MPG: variants seen among roughly 807,000 people sequenced by gnomAD.
MPG encodes DNA-3-methyladenine glycosylase.
A neutral mutation model predicts 31.7 loss-of-function variants in MPG; 33 were observed. The observed-to-expected ratio is 1.04, with a 90% CI of 0.79 to 1.39. The LOEUF is 1.39. Ranked by LOEUF, MPG falls within the 40% of genes most tolerant of loss-of-function variation. MPG has a pLI of 0.00. For synonymous variants in MPG, 202 were observed against 169.2 expected, an observed-to-expected ratio of 1.19 and a Z score of -1.51; for missense variants, 455 against 415.5, an observed-to-expected ratio of 1.10 and a Z score of -0.83.
intron 2 of MPG, among the ~76,000 whole-genome samples, chr16:82,236 C>G (rs2541624): frequency 0.5 from 13,025 of 26,294 alleles, 5,730 homozygotes; most frequent in Non-Finnish European, 0.85. Flanking sequence ...CTCCGGGAAG[C>G]CCTCCTGAAT....
Position 79,545 on chromosome 16 carries a change from G to C in MPG, c.145G>C (p.Ala49Pro). The C allele has an allele frequency of 6.2e-7, 1 of 1,612,962 alleles. No homozygotes were observed. The highest frequency in any genetic ancestry group is 8.5e-7 in the Non-Finnish European group (1 of 1,179,968). Residue 49 changes from alanine to proline, a missense_variant, in exon 2 of 4, where the codon GCA (alanine) becomes CCA (proline). Ala to Pro is a conservative substitution (Grantham distance 27). Transcript: ENST00000356432. ...ACACAGCTCGTCCGATGCAGCCCAG[G>C]CACCTTGCCCCAGGGAGCGCTGCTT... ...QPHSSSDAAQ[A>P]PCPRERCLGP...
At chr16:82,493 GC>G (rs1898277586) in intron 2 of MPG, among the ~76,000 whole-genome samples, 1 of 151,980 alleles carries the variant, frequency 6.6e-6, no homozygotes, top group South Asian at 2.1e-4. Flanking sequence ...CCAGGCTGGG[GC>G]ACCGTGGGGC....
chr16:84,158 A>T (rs954850075), intron 3 of MPG: 2 of 152,134 alleles, frequency 1.3e-5, no homozygotes, highest in African/African-American at 4.8e-5. Flanking sequence ...ACCCACAGGG[A>T]TGTAGAGGGT....
At chr16:79,336 T>C in intron 1 of MPG, 89 bp from the exon 2 acceptor site, 1 of 1,613,194 alleles carries the variant, frequency 6.2e-7, no homozygotes, top group Non-Finnish European at 8.5e-7. Flanking sequence ...AAGCAGGTGG[T>C]CAGATCCAGT....
At chr16:84,115 G>T (rs1010547321) in intron 3 of MPG, among the ~76,000 whole-genome samples, 2 of 152,164 alleles carry the variant, frequency 1.3e-5, no homozygotes, top group African/African-American at 4.8e-5. Context: ...CTCTGTGGGG[G>T]CTCAGTGAGA....
chr16:79,881 G>A, intron 2 of MPG, 181 bp downstream of exon 2: 2 of 711,792 alleles, frequency 2.8e-6, no homozygotes, highest in East Asian at 2.7e-5. Context: ...GGTCATCTGG[G>A]AAGAATGTAG....
chr16:79,289 C>G, intron 1 of MPG, 136 bp from the exon 2 acceptor site: 4 of 1,583,388 alleles, frequency 2.5e-6, no homozygotes, highest in Non-Finnish European at 3.4e-6. Flanking sequence ...TAACAACCCA[C>G]AGGATGGTCA....
At chr16:78,543 C>T (rs1433497669) in intron 1 of MPG, among the ~76,000 whole-genome samples, 1 of 152,198 alleles carries the variant, frequency 6.6e-6, no homozygotes, top group Non-Finnish European at 1.5e-5. Flanking sequence ...GGCGCGCTGG[C>T]AGCGCGGGCC....
chr16:85,177 GGCTTGGAGGATGGCAA>G (rs1382232018), intron 3 of MPG, among the ~76,000 whole-genome samples: 1 of 152,248 alleles, frequency 6.6e-6, no homozygotes, highest in Non-Finnish European at 1.5e-5. Context: ...TCATGGTGCA[GGCTTGGAGGATGGCAA>G]GGTAGGCAGA....
At position 79,639 on chromosome 16, in the gene MPG, G is replaced by C; in HGVS notation, c.239G>C (p.Arg80Pro). The change falls in exon 2 of 4, where the codon CGA becomes CCA. Residue 80 changes from arginine to proline, a missense_variant. Coordinates refer to ENST00000356432, the MANE Select transcript of MPG (RefSeq NM_001015052.3). Reference sequence around the variant, plus strand: ...TCAAGCCCAAAGGGCCACCTTACCCGACTGGGGTTGGAGTTCTTCGACCAG... The same window carrying C: ...TCAAGCCCAAAGGGCCACCTTACCCCACTGGGGTTGGAGTTCTTCGACCAG... The part of the protein sequence containing the change: ...YFSSPKGHLT[R>P]LGLEFFDQPA... The C allele has an allele frequency of 1.9e-6, 3 of 1,579,684 alleles. No homozygotes were observed. The highest frequency in any genetic ancestry group is 1.7e-4 in the Middle Eastern group (1 of 6,028).
rs1305152316 is a variant in MPG, at chr16:82,229, C to T, written c.301-823C>T. ...CCCCTTCTTCCCACCACCCTATCTCCGGGAAGCCCTCCTGAATGCTCCCCC... is the reference window on the plus strand; with the variant it reads ...CCCCTTCTTCCCACCACCCTATCTCTGGGAAGCCCTCCTGAATGCTCCCCC... On this transcript the variant is annotated intron_variant, in intron 2 of 3. Transcript: ENST00000356432. Among the ~76,000 whole-genome samples the T allele has an allele frequency of 2.7e-5, 4 of 148,048 alleles. 1 individual carries two copies. Among genetic ancestry groups the T allele is most frequent in the Admixed American group, 2.0e-4 (3 of 15,058 alleles).
rs3056231 is a variant in MPG at position 78,992 on chromosome 16, C to CCTGT, written c.25-432_25-429dup. On this transcript the variant is annotated intron_variant, in intron 1 of 3. Coordinates refer to ENST00000356432, the MANE Select transcript of MPG (RefSeq NM_001015052.3). ...TGTCCGACCTTGGCCCTGCTAAGATCCTGTGTTTTGAATTCTGGCAAGGGT... is the reference window on the plus strand; with the variant it reads ...TGTCCGACCTTGGCCCTGCTAAGATCCTGTCTGTGTTTTGAATTCTGGCAAGGGT... The CCTGT allele has an allele frequency of 0.059, 81,653 of 1,375,532 alleles. 17,516 individuals are homozygous for CCTGT. In the African/African-American group the frequency reaches 0.67, roughly 11 times the overall value. 85.2% of individuals were successfully genotyped at this position (1,375,532 alleles called of 1,614,324 possible). A position where few individuals can be genotyped will look rare whatever the true frequency, so the allele number is the denominator to read the frequency against.
rs529684119 is a variant in MPG at position 80,108 on chromosome 16, C to T, written c.300+408C>T. On this transcript the variant is annotated intron_variant, in intron 2 of 3. Transcript: ENST00000356432. Reference sequence around the variant, plus strand: ...CAGTGCTGGCTTCCCAGGGCCCCTGCAGCTTAATGTAGGTCAAGGATCTGG... The same window carrying T: ...CAGTGCTGGCTTCCCAGGGCCCCTGTAGCTTAATGTAGGTCAAGGATCTGG... Among the ~76,000 whole-genome samples the T allele has an allele frequency of 9.2e-5, 14 of 152,366 alleles. No individual in the cohort carries two copies. The East Asian group carries it at 2.5e-3, about 27-fold the overall frequency.
Position 85,561 on chromosome 16 carries a change from C to T in MPG, c.666C>T (p.Ile222=), listed in dbSNP as rs745421576. 2.4e-5 allele frequency: 38 copies of T among 1,613,430 alleles called. No individual in the cohort carries two copies. The highest frequency in any genetic ancestry group is 3.1e-5 in the Non-Finnish European group (37 of 1,179,998). ...CCAAGCTGTGCCAGGCCCTGGCCAT[C>T]AACAAGAGCTTTGACCAGAGGGACC... The part of the protein sequence containing the change: ...GPSKLCQALA[I]NKSFDQRDLA... The change falls in exon 4 of 4, where the codon ATC becomes ATT. Residue 222 remains isoleucine (I), a synonymous_variant. Transcript: ENST00000356432.
Position 85,537 on chromosome 16 carries a change from C to T in MPG, c.642C>T (p.Ser214=), listed in dbSNP as rs1450966636. 1 of 1,613,288 alleles carries T rather than the reference C, an allele frequency of 6.2e-7. No individual in the cohort carries two copies. Among genetic ancestry groups the T allele is most frequent in the Non-Finnish European group, 8.5e-7 (1 of 1,180,044 alleles). ...LKDRELCSGP[S]KLCQALAINK... ...ACCGCGAGCTCTGCAGTGGCCCCTC[C>T]AAGCTGTGCCAGGCCCTGGCCATCA... Residue 214 remains serine (S), a synonymous_variant, in exon 4 of 4, where the codon TCC becomes TCT. Transcript: ENST00000356432.
chr16:85,093 C>T (rs2141890643), intron 3 of MPG, among the ~76,000 whole-genome samples: 1 of 152,354 alleles, frequency 6.6e-6, no homozygotes, highest in East Asian at 1.9e-4. Context: ...AACAGTCTGG[C>T]TTTGTGGGGG....
intron 2 of MPG, chr16:79,986 C>A (rs946571793): frequency 3.8e-6 from 2 of 528,746 alleles, no homozygotes; most frequent in Non-Finnish European, 6.8e-6. Context: ...CACCGTTAGC[C>A]TTCCTCACCG....
At chr16:78,706 G>A (rs1159869476) in intron 1 of MPG, among the ~76,000 whole-genome samples, 1 of 152,216 alleles carries the variant, frequency 6.6e-6, no homozygotes, top group Non-Finnish European at 1.5e-5. Flanking sequence ...GGTGCTGCCA[G>A]GCCGGCGCTC....
chr16:85,243 G>C (rs1567125978), intron 3 of MPG, 158 bp from the exon 4 acceptor site: 2 of 865,206 alleles, frequency 2.3e-6, no homozygotes, highest in East Asian at 5.0e-5. Flanking sequence ...CTCCCACCAG[G>C]TCAGACCCAG....
Sources: allele counts gnomAD v4.1 joint callset (sites outside exome capture counted in the v4.1 genomes callset), GRCh38; gene constraint gnomAD v4.1.1; transcripts MANE v1.5; gene names NCBI Gene and HGNC (gene_info 2026-07-23, HGNC 2026-07-21).